PUDP: variants seen among roughly 807,000 people sequenced by gnomAD.
PUDP encodes the protein pseudouridine 5'-phosphatase.
A neutral mutation model predicts 9.4 loss-of-function variants in PUDP; 8 were observed. The observed-to-expected ratio is 0.85, with a 90% CI of 0.50 to 1.53. The LOEUF (loss-of-function observed/expected upper bound fraction) is 1.53. Ranked by LOEUF, PUDP falls within the 40% of genes most tolerant of loss-of-function variation. The probability of loss-of-function intolerance (pLI) is 0.00; values close to 1 mark genes in which losing one functional copy is unlikely to be tolerated. For synonymous variants in PUDP, 99 were observed against 80.7 expected, an observed-to-expected ratio of 1.23 and a Z score of -1.22; for missense variants, 188 against 189.7, an observed-to-expected ratio of 0.99 and a Z score of 0.05.
intron 3 of PUDP, among the ~76,000 whole-genome samples, chrX:6,929,801 G>A (rs1052301973): frequency 1.8e-5 from 2 of 111,740 alleles, no homozygotes; most frequent in Non-Finnish European, 3.8e-5. Context: ...CCATATTTAC[G>A]TGATATTCAA....
At chrX:7,071,652 C>T (rs1040485464) in intron 3 of PUDP, among the ~76,000 whole-genome samples, 2 of 111,363 alleles carry the variant, frequency 1.8e-5, no homozygotes, top group African/African-American at 6.5e-5. Context: ...TTTGGTCTGA[C>T]TGTCACACTA....
rs758130501 is a variant in PUDP at position 7,010,558 on chromosome X, T to C, written c.205-32215A>G. ...TTTGACTCATGTGATTCAATGTCCA[T>C]AAATCTTCATCCAAAAGATGCCCAT... is the stretch of plus-strand genomic sequence containing the variant. On this transcript the variant is annotated intron_variant and NMD_transcript_variant, in intron 1 of 3. Coordinates refer to the PUDP transcript ENST00000655425. Among the ~76,000 whole-genome samples, 3 of 112,094 alleles carry C rather than the reference T, an allele frequency of 2.7e-5. No individual in the cohort carries two copies. In the South Asian group the frequency reaches 1.1e-3, roughly 42 times the overall value.
At chrX:7,016,893 C>T (rs1218394441) in intron 1 of PUDP, among the ~76,000 whole-genome samples, 4 of 111,351 alleles carry the variant, frequency 3.6e-5, no homozygotes, top group Non-Finnish European at 7.5e-5. Context: ...GATATTGTTT[C>T]CATGTACAAT....
intron 3 of PUDP, among the ~76,000 whole-genome samples, chrX:6,907,356 C>A (rs962125263): frequency 9.0e-6 from 1 of 111,459 alleles, no homozygotes; most frequent in Non-Finnish European, 1.9e-5. Context: ...TACAAATTAC[C>A]GAATCTCAGG....
chrX:6,765,859 A>G (rs1261242848), intron 3 of PUDP, among the ~76,000 whole-genome samples: 1 of 111,669 alleles, frequency 9.0e-6, no homozygotes, highest in Non-Finnish European at 1.9e-5. Flanking sequence ...AAGTTTGCCA[A>G]GAGACATAAA....
chrX:7,083,449 CAGA>C (rs1415064638), intron 2 of PUDP, among the ~76,000 whole-genome samples: 1 of 111,423 alleles, frequency 9.0e-6, no homozygotes, highest in African/African-American at 3.3e-5. Flanking sequence ...GAACAATTCC[CAGA>C]AGAAGAAAGA....
intron 3 of PUDP, among the ~76,000 whole-genome samples, chrX:6,972,054 C>T (rs1021846360): frequency 1.3e-4 from 14 of 111,932 alleles, no homozygotes; most frequent in Non-Finnish European, 2.1e-4. Flanking sequence ...GATTTTTGCA[C>T]GTTGATTTTG....
intron 3 of PUDP, among the ~76,000 whole-genome samples, chrX:7,070,428 C>T (rs1177779054): frequency 9.0e-6 from 1 of 110,806 alleles, no homozygotes; most frequent in Admixed American, 9.6e-5. Flanking sequence ...CAGAGGGTGG[C>T]AAACAATGGC....
At chrX:6,928,078 G>A (rs1293803544) in intron 3 of PUDP, among the ~76,000 whole-genome samples, 1 of 108,841 alleles carries the variant, frequency 9.2e-6, no homozygotes, top group East Asian at 2.9e-4. Context: ...GGGATTACAG[G>A]TGCACACCAC....
At chrX:6,825,639 G>C (rs1486459140) in intron 3 of PUDP, among the ~76,000 whole-genome samples, 1 of 110,797 alleles carries the variant, frequency 9.0e-6, no homozygotes, top group Admixed American at 9.6e-5. Context: ...ACAGGAAGCT[G>C]AGTGTGGGGT....
intron 3 of PUDP, among the ~76,000 whole-genome samples, chrX:6,780,268 A>G (rs1451900564): frequency 9.1e-6 from 1 of 109,900 alleles, no homozygotes; most frequent in Non-Finnish European, 1.9e-5. Flanking sequence ...CACACAAAAG[A>G]CTGTATAATC....
rs761163314 is a variant in PUDP at position 6,737,614 on chromosome X, G to A, written c.*248-31148C>T. Among the ~76,000 whole-genome samples, 637 of 109,812 alleles carry A rather than the reference G, an allele frequency of 5.8e-3. 1 individual carries two copies. The highest frequency in any genetic ancestry group is 9.0e-3 in the Non-Finnish European group (473 of 52,526). ...TGGATGAGGGAGGGAGGGAGGGAGAGTAGTAGGAGGTGGGGCCACAGAAGT... is the reference window on the plus strand; with the variant it reads ...TGGATGAGGGAGGGAGGGAGGGAGAATAGTAGGAGGTGGGGCCACAGAAGT... On this transcript the variant is annotated intron_variant and NMD_transcript_variant, in intron 3 of 3. Coordinates refer to the PUDP transcript ENST00000655425.
chrX:7,111,776 G>A (rs1378618025), intron 1 of PUDP, among the ~76,000 whole-genome samples: 1 of 111,802 alleles, frequency 8.9e-6, no homozygotes, highest in African/African-American at 3.3e-5. Flanking sequence ...AGGCGGTTGC[G>A]TCCATGGAGT....
chrX:7,125,203 T>C (rs1344717640), intron 1 of PUDP, among the ~76,000 whole-genome samples: 1 of 111,504 alleles, frequency 9.0e-6, no homozygotes, highest in African/African-American at 3.3e-5. Context: ...AACCCCAGCA[T>C]GCTAGGCCTT....
intron 3 of PUDP, among the ~76,000 whole-genome samples, chrX:6,932,279 C>G (rs1928203142): frequency 9.0e-6 from 1 of 111,580 alleles, no homozygotes; most frequent in African/African-American, 3.3e-5. Context: ...AAGCGTCTGT[C>G]GGATGATGGA....
intron 1 of PUDP, among the ~76,000 whole-genome samples, chrX:7,012,043 A>T (rs1929484334): frequency 8.9e-6 from 1 of 112,777 alleles, no homozygotes; most frequent in African/African-American, 3.2e-5. Flanking sequence ...AAACATGCAC[A>T]TCAAAGCATT....
At position 7,106,842 on chromosome X, in the gene PUDP, T is replaced by C. The variant is rs1433812560; in HGVS notation, c.62-1004A>G. On this transcript the variant is annotated intron_variant, in intron 1 of 3. Coordinates refer to ENST00000381077, the MANE Select transcript of PUDP (RefSeq NM_012080.5). The stretch of plus-strand genomic sequence containing the variant: ...CTAACTGACCTGCTAGGAGGCATTA[T>C]GCCAAAAAAAAAGAAATACTTCAAC... Among the ~76,000 whole-genome samples the C allele has an allele frequency of 1.9e-4, 21 of 111,051 alleles. 1 individual carries two copies.
At chrX:6,971,717 C>T (rs957328273) in intron 3 of PUDP, among the ~76,000 whole-genome samples, 2 of 111,243 alleles carry the variant, frequency 1.8e-5, no homozygotes, top group Non-Finnish European at 3.8e-5. Context: ...AGCCACTGCG[C>T]CTGGCCTAAA....
chrX:7,034,391 G>A (rs1929827846), intron 1 of PUDP, among the ~76,000 whole-genome samples: 1 of 111,075 alleles, frequency 9.0e-6, no homozygotes, highest in Admixed American at 9.5e-5. Context: ...ACTTCTATGT[G>A]GACATTTTTT....
Sources: allele counts gnomAD v4.1 joint callset (sites outside exome capture counted in the v4.1 genomes callset), GRCh38; gene constraint gnomAD v4.1.1; transcripts MANE v1.5; gene names NCBI Gene and HGNC (gene_info 2026-07-23, HGNC 2026-07-21).